The following TBC1D32 variants were observed in gnomAD, a reference collection of about 807,000 sequenced individuals.
The protein encoded by TBC1D32 is protein broad-minded.
Under a neutral mutation model 170.3 loss-of-function variants are expected in TBC1D32, and 151 were observed. That is an observed-to-expected ratio of 0.89 (90% CI 0.78 to 1.01). The LOEUF (loss-of-function observed/expected upper bound fraction) is 1.01, where lower values mean the gene tolerates loss of function less well. Ranked by LOEUF, TBC1D32 falls within the 50% of genes least tolerant of loss-of-function variation. TBC1D32 has a pLI of 0.00. For synonymous variants in TBC1D32, 498 were observed against 488.0 expected (o/e 1.02, Z -0.27); for missense variants, 1,464 against 1,457.1 (o/e 1.00, Z -0.08).
At chr6:121,235,022 G>A (rs149000836) in intron 20 of TBC1D32, among the ~76,000 whole-genome samples, 8 of 152,310 alleles carry the variant, frequency 5.3e-5, no homozygotes, top group Non-Finnish European at 8.8e-5. Flanking sequence ...CTCTGGGCTG[G>A]TAGTAGGGAG....
At chr6:121,200,799 A>C (rs1583191613) in intron 22 of TBC1D32, among the ~76,000 whole-genome samples, 2 of 151,614 alleles carry the variant, frequency 1.3e-5, no homozygotes, top group Non-Finnish European at 2.9e-5. Flanking sequence ...TTGTATAAGT[A>C]GACAAAAGCA....
chr6:121,300,819 C>CA (rs1346131900), intron 9 of TBC1D32, among the ~76,000 whole-genome samples: 1 of 152,062 alleles, frequency 6.6e-6, no homozygotes, highest in Non-Finnish European at 1.5e-5. Context: ...CCAGAATCTA[C>CA]AAAAAACTTA....
At chr6:121,237,650 G>A (rs1796483298) in intron 20 of TBC1D32, among the ~76,000 whole-genome samples, 1 of 151,788 alleles carries the variant, frequency 6.6e-6, no homozygotes, top group African/African-American at 2.4e-5. Flanking sequence ...AGGCCATGTA[G>A]AAATTTTTAT....
intron 31 of TBC1D32, among the ~76,000 whole-genome samples, chr6:121,081,730 C>T (rs531791304): frequency 6.6e-6 from 1 of 151,590 alleles, no homozygotes; most frequent in Admixed American, 6.6e-5. Flanking sequence ...ACAGAAGAAA[C>T]CTCAATATAG....
At chr6:121,192,270 A>G (rs892210824) in intron 22 of TBC1D32, 1 of 152,006 alleles carries the variant, frequency 6.6e-6, no homozygotes, top group African/African-American at 2.4e-5. Flanking sequence ...GAACACTGAT[A>G]TTCCTTGGCA....
intron 1 of TBC1D32, among the ~76,000 whole-genome samples, chr6:121,327,422 C>T (rs913593935): frequency 2.0e-5 from 3 of 152,102 alleles, no homozygotes; most frequent in Non-Finnish European, 2.9e-5. Context: ...ATTGATAGTA[C>T]TACTGATTTT....
At chr6:121,120,817 A>AGGG (rs1780179589) in intron 26 of TBC1D32, among the ~76,000 whole-genome samples, 1 of 151,872 alleles carries the variant, frequency 6.6e-6, no homozygotes, top group African/African-American at 2.4e-5. Context: ...CCTTTCACCT[A>AGGG]CCTTAACTTT....
chr6:121,244,692 T>C (rs1008191209), intron 17 of TBC1D32, among the ~76,000 whole-genome samples: 5 of 152,200 alleles, frequency 3.3e-5, no homozygotes, highest in East Asian at 3.8e-4. Flanking sequence ...ATGAGCATAT[T>C]ATGTAGTGTA....
chr6:121,107,956 T>C (rs976508067), intron 29 of TBC1D32, among the ~76,000 whole-genome samples: 2 of 152,102 alleles, frequency 1.3e-5, no homozygotes, highest in African/African-American at 4.8e-5. Flanking sequence ...TCTACTCTTA[T>C]AAATTAGACT....
At chr6:121,267,119 T>G (rs1384809452) in intron 15 of TBC1D32, among the ~76,000 whole-genome samples, 2 of 139,298 alleles carry the variant, frequency 1.4e-5, no homozygotes, top group African/African-American at 2.9e-5. Context: ...AATAACAATG[T>G]GCTCTTCTAA....
At chr6:121,116,052 T>A (rs756549793) in intron 26 of TBC1D32, among the ~76,000 whole-genome samples, 1 of 152,096 alleles carries the variant, frequency 6.6e-6, no homozygotes, top group East Asian at 1.9e-4. Flanking sequence ...AACTGTAGCA[T>A]GCATACATAC....
At chr6:121,308,424 C>T (rs760792324) in intron 4 of TBC1D32, among the ~76,000 whole-genome samples, 2 of 151,884 alleles carry the variant, frequency 1.3e-5, no homozygotes, top group South Asian at 4.2e-4. Context: ...TTTCCAGTAG[C>T]CTTGTCCTAC....
chr6:121,265,971 C>T (rs1800421987), intron 15 of TBC1D32, among the ~76,000 whole-genome samples: 1 of 152,002 alleles, frequency 6.6e-6, no homozygotes. Context: ...CATAAAACCA[C>T]AGAAGAAAAC....
rs767545501 is a variant in TBC1D32, at chr6:121,239,147, C to A, written c.2287G>T (p.Glu763Ter). The A allele has an allele frequency of 6.2e-7, 1 of 1,602,322 alleles. No individual in the cohort carries two copies. The highest frequency in any genetic ancestry group is 8.5e-7 in the Non-Finnish European group (1 of 1,171,874). Residue 763 changes from glutamate (E) to a stop codon, truncating the protein, a stop_gained, in exon 20 of 32, where the codon GAA becomes TAA. Transcript: ENST00000398212. LOFTEE classifies it high-confidence loss of function. The part of the protein sequence containing the change: ...ELITELWSNL[E>*]YGRDDVRVTH... ...ACCCTAACATCATCTCTTCCATATT[C>A]CAGATTGGACCATAATTCAGTTATA...
Position 121,182,363 on chromosome 6 carries a change from TATATC to T in TBC1D32, c.2571-21312_2571-21308del, listed in dbSNP as rs567183294. Among the ~76,000 whole-genome samples, 248 of 152,154 alleles carry T rather than the reference TATATC, an allele frequency of 1.6e-3. 1 individual carries two copies. The highest frequency in any genetic ancestry group is 2.8e-3 in the Non-Finnish European group (190 of 67,946). ...GTAGGTAATGAGAAAAAGTATATAT[TATATC>T]AACAAGAAGTCTAAATGGGTATGCA... On this transcript the variant is annotated intron_variant, in intron 22 of 31. Coordinates refer to ENST00000398212, the MANE Select transcript of TBC1D32 (RefSeq NM_152730.6).
chr6:121,292,025 CA>C (rs760285820), intron 12 of TBC1D32, 27 bp downstream of exon 12: 6 of 1,538,702 alleles, frequency 3.9e-6, no homozygotes, highest in Non-Finnish European at 2.6e-6. Context: ...CATATCTTAA[CA>C]AATTTATTTC....
intron 21 of TBC1D32, among the ~76,000 whole-genome samples, chr6:121,220,933 G>A (rs527850020): frequency 1.3e-5 from 2 of 152,098 alleles, no homozygotes; most frequent in Admixed American, 1.3e-4. Flanking sequence ...GAACAACGAC[G>A]CCCGGCCAAG....
At chr6:121,318,501 T>A (rs1159058861) in intron 2 of TBC1D32, among the ~76,000 whole-genome samples, 1 of 151,902 alleles carries the variant, frequency 6.6e-6, no homozygotes, top group Non-Finnish European at 1.5e-5. Context: ...CCACTGAAAT[T>A]TCTATATTTA....
At position 121,084,343 on chromosome 6, in the gene TBC1D32, C is replaced by T. The variant is rs1389153936; in HGVS notation, c.3655-3453G>A. On this transcript the variant is annotated intron_variant, in intron 31 of 31. Coordinates refer to ENST00000398212, the MANE Select transcript of TBC1D32 (RefSeq NM_152730.6). The stretch of plus-strand genomic sequence containing the variant: ...TGAGCAATACCTGTAAAGCTCTTTG[C>T]CCAGTGTGTGGCATACAATAAGCAC... 2.0e-5 allele frequency among the ~76,000 whole-genome samples: 3 copies of T among 152,156 alleles called. No homozygotes were observed. In the East Asian group the frequency reaches 5.8e-4, roughly 29 times the overall value.
Sources: allele counts gnomAD v4.1 joint callset (sites outside exome capture counted in the v4.1 genomes callset), GRCh38; gene constraint gnomAD v4.1.1; transcripts MANE v1.5; gene names NCBI Gene and HGNC (gene_info 2026-07-23, HGNC 2026-07-21).